ARHGAP44: variants seen among roughly 807,000 people sequenced by gnomAD.
ARHGAP44 encodes rho GTPase-activating protein 44.
A neutral mutation model predicts 106.8 loss-of-function variants in ARHGAP44; 43 were observed. The ratio of observed to expected loss-of-function variants is 0.40; its 90% CI spans 0.32 to 0.52. The LOEUF (loss-of-function observed/expected upper bound fraction) is 0.52. Ranked by LOEUF, ARHGAP44 falls within the 20% of genes least tolerant of loss-of-function variation. The probability of loss-of-function intolerance (pLI) is 0.48; values close to 1 mark genes in which losing one functional copy is unlikely to be tolerated. For synonymous variants in ARHGAP44, 439 were observed against 410.3 expected (o/e 1.07, Z -0.85); for missense variants, 866 against 1,050.5 (o/e 0.82, Z 2.43).
chr17:12,843,619 A>C (rs1458724324), intron 1 of ARHGAP44, among the ~76,000 whole-genome samples: 1 of 142,156 alleles, frequency 7.0e-6, no homozygotes, highest in Non-Finnish European at 1.5e-5. Flanking sequence ...GAAACTGTGG[A>C]TGCTATTACA....
At chr17:12,835,236 A>C (rs2035202239) in intron 1 of ARHGAP44, among the ~76,000 whole-genome samples, 2 of 152,188 alleles carry the variant, frequency 1.3e-5, no homozygotes, top group Admixed American at 6.6e-5. Context: ...AGTTAGTGTG[A>C]ATTTTAATTG....
At chr17:12,878,374 G>C (rs1194191983) in intron 1 of ARHGAP44, among the ~76,000 whole-genome samples, 2 of 152,128 alleles carry the variant, frequency 1.3e-5, no homozygotes, top group Non-Finnish European at 2.9e-5. Flanking sequence ...AAACTCATAA[G>C]TGGAACAGTG....
chr17:12,914,377 G>A (rs973021870), intron 4 of ARHGAP44, among the ~76,000 whole-genome samples: 3 of 152,204 alleles, frequency 2.0e-5, no homozygotes, highest in Non-Finnish European at 2.9e-5. Flanking sequence ...TTACTGAAGC[G>A]CTGCATGTAA....
At chr17:12,876,689 C>T (rs1023342072) in intron 1 of ARHGAP44, among the ~76,000 whole-genome samples, 1 of 151,468 alleles carries the variant, frequency 6.6e-6, no homozygotes, top group Admixed American at 6.6e-5. Context: ...CTGAGGTGGG[C>T]GGATCACGGA....
rs190497539 is a variant in ARHGAP44 at position 12,920,896 on chromosome 17, C to T, written c.464+1065C>T. The stretch of plus-strand genomic sequence containing the variant: ...TGCCAAAGGCCCTGAGACAGCATTG[C>T]CTGTGGCTGTCAGAGCAGGAATTGT... On this transcript the variant is annotated intron_variant, in intron 6 of 20. Transcript: ENST00000379672. Among the ~76,000 whole-genome samples, 255 of 152,228 alleles carry T rather than the reference C, an allele frequency of 1.7e-3. 1 individual carries two copies. Among genetic ancestry groups the T allele is most frequent in the African/African-American group, 5.8e-3 (239 of 41,528 alleles).
intron 1 of ARHGAP44, among the ~76,000 whole-genome samples, chr17:12,857,272 T>A (rs1567651916): frequency 6.6e-6 from 1 of 152,178 alleles, no homozygotes. Flanking sequence ...CACCACAGAC[T>A]GGGTATTTTA....
At position 12,915,873 on chromosome 17, in the gene ARHGAP44, A is replaced by G. The variant is rs114319625; in HGVS notation, c.276-27A>G. 1,279 of 1,594,430 alleles carry G rather than the reference A, an allele frequency of 8.0e-4. 11 individuals are homozygous for G. The African/African-American group carries it at 0.015, about 19-fold the overall frequency. ...TGAAATGTTGTCTTCAAGAGTATTC[A>G]CTATTTCTTTCCCCCTTGGATTACA... On this transcript the variant is annotated intron_variant, in intron 4 of 20. Transcript: ENST00000379672.
intron 3 of ARHGAP44, among the ~76,000 whole-genome samples, chr17:12,899,802 T>C (rs540154141): frequency 6.6e-6 from 1 of 152,276 alleles, no homozygotes; most frequent in East Asian, 1.9e-4. Context: ...TGAGCACATG[T>C]AAGTTGCTAC....
intron 10 of ARHGAP44, 113 bp downstream of exon 10, chr17:12,944,309 A>C: frequency 2.2e-6 from 3 of 1,365,224 alleles, no homozygotes; most frequent in East Asian, 2.5e-5. Flanking sequence ...ACGAATCCAA[A>C]TGGCTTAAGA....
At chr17:12,977,099 G>A (rs1223361528) in intron 18 of ARHGAP44, among the ~76,000 whole-genome samples, 2 of 151,866 alleles carry the variant, frequency 1.3e-5, no homozygotes, top group Admixed American at 6.6e-5. Flanking sequence ...TTACTTGTGG[G>A]CAGGCAATGG....
In ARHGAP44 at chr17:12,938,599, A is replaced by AAAC. The variant is rs1260373938; in HGVS notation, c.583-2455_583-2454insCAA. 3.6e-3 allele frequency among the ~76,000 whole-genome samples: 546 copies of AAAC among 151,540 alleles called. 1 individual carries two copies. Among genetic ancestry groups the AAAC allele is most frequent in the Non-Finnish European group, 4.5e-3 (305 of 67,812 alleles). The stretch of plus-strand genomic sequence containing the variant: ...CTATATATTAAAAAAAAAAAAAAAA[A>AAAC]AAAACAGCTGCCTGGTGGGATTACA... On this transcript the variant is annotated intron_variant, in intron 7 of 20. Transcript: ENST00000379672.
chr17:12,852,044 G>C (rs1462678923), intron 1 of ARHGAP44, among the ~76,000 whole-genome samples: 2 of 150,784 alleles, frequency 1.3e-5, no homozygotes, highest in Non-Finnish European at 3.0e-5. Context: ...GGTTCTTGGA[G>C]TCATTTGAGT....
At chr17:12,953,544 G>A (rs947457375) in intron 13 of ARHGAP44, among the ~76,000 whole-genome samples, 2 of 152,182 alleles carry the variant, frequency 1.3e-5, no homozygotes, top group Admixed American at 6.5e-5. Context: ...TAAAAGAATC[G>A]AAAGCAGGGA....
chr17:12,812,043 A>G (rs1043995897), intron 1 of ARHGAP44, among the ~76,000 whole-genome samples: 2 of 152,202 alleles, frequency 1.3e-5, no homozygotes, highest in African/African-American at 4.8e-5. Context: ...GGGCCCACGA[A>G]GCACACATTT....
At chr17:12,957,935 T>C (rs964368717) in intron 15 of ARHGAP44, among the ~76,000 whole-genome samples, 2 of 152,210 alleles carry the variant, frequency 1.3e-5, no homozygotes, top group Admixed American at 6.5e-5. Flanking sequence ...GAAGTTTGAT[T>C]GTCTTTCTTT....
At position 12,944,089 on chromosome 17, in the gene ARHGAP44, T is replaced by G. The variant is rs747788065; in HGVS notation, c.754T>G (p.Ser252Ala). Residue 252 changes from serine to alanine, a missense_variant, in exon 10 of 21, where the codon TCC becomes GCC. By Grantham distance (99) the Ser-to-Ala change is moderately conservative. Coordinates refer to ENST00000379672, the MANE Select transcript of ARHGAP44 (RefSeq NM_014859.6). The stretch of plus-strand genomic sequence containing the variant: ...CTCAGAGGCCTGGGTAGAGAAGCCT[T>G]CCTTCGGGAAGCCGCTGGAGGAGCA... The part of the protein sequence containing the change: ...AQQEAWVEKP[S>A]FGKPLEEHLT... The G allele has an allele frequency of 6.2e-7, 1 of 1,612,142 alleles. No individual in the cohort carries two copies. Among genetic ancestry groups the G allele is most frequent in the Non-Finnish European group, 8.5e-7 (1 of 1,179,026 alleles).
intron 16 of ARHGAP44, among the ~76,000 whole-genome samples, chr17:12,970,200 T>TA (rs111486080): frequency 0.1 from 15,697 of 151,454 alleles, 934 homozygotes; most frequent in South Asian, 0.2. Flanking sequence ...AACTCATCTC[T>TA]AAAAAAATTA....
chr17:12,791,645 C>T (rs1363644757), intron 1 of ARHGAP44, among the ~76,000 whole-genome samples: 1 of 152,098 alleles, frequency 6.6e-6, no homozygotes, highest in Non-Finnish European at 1.5e-5. Flanking sequence ...GCCATGGCAT[C>T]ATATCTTATT....
chr17:12,891,049 ATAT>A, intron 1 of ARHGAP44, among the ~76,000 whole-genome samples: 1 of 152,300 alleles, frequency 6.6e-6, no homozygotes, highest in South Asian at 2.1e-4. Flanking sequence ...TTTACTGTCC[ATAT>A]TTCTGCCCAC....
Sources: gnomAD v4.1 joint callset for allele counts (sites outside exome capture counted in the v4.1 genomes callset) on GRCh38, gnomAD v4.1.1 for gene constraint, MANE v1.5 for transcripts, NCBI Gene and HGNC (gene_info 2026-07-23, HGNC 2026-07-21) for gene names.